The following ASH1L variants were observed in gnomAD, a reference collection of about 807,000 sequenced individuals.
ASH1L encodes histone-lysine N-methyltransferase ASH1L.
A neutral mutation model predicts 269.0 loss-of-function variants in ASH1L; 23 were observed. That is an observed-to-expected ratio of 0.09 (90% CI 0.06 to 0.12). The LOEUF (loss-of-function observed/expected upper bound fraction) is 0.12. ASH1L is among the 10% of genes least tolerant of loss of function. The probability of loss-of-function intolerance (pLI) is 1.00; values close to 1 mark genes in which losing one functional copy is unlikely to be tolerated. For missense variants in ASH1L, 2,912 were observed against 3,567.8 expected, an observed-to-expected ratio of 0.82 and a Z score of 4.68; for synonymous variants, 1,187 against 1,253.5, an observed-to-expected ratio of 0.95 and a Z score of 1.12.
rs146335789 is a variant in ASH1L, at chr1:155,478,614, G to A, written c.4256C>T (p.Thr1419Met). The A allele has an allele frequency of 6.2e-6, 10 of 1,614,058 alleles. No homozygotes were observed. Among genetic ancestry groups the A allele is most frequent in the South Asian group, 1.1e-5 (1 of 91,084 alleles). The change falls in exon 3 of 28, where the codon ACG becomes ATG. Residue 1419 changes from threonine (T) to methionine (M), a missense_variant. Thr to Met is a moderately conservative substitution (Grantham distance 81). Around this residue, in one of 13 missense-constraint regions of ASH1L, gnomAD observed 789 missense variants for 897.6 expected, o/e 0.88. Coordinates refer to ENST00000392403, the MANE Select transcript of ASH1L (RefSeq NM_018489.3). The surrounding 1 kb of genome is among the most constrained non-coding windows in gnomAD (Gnocchi z 4.6). The part of the protein sequence containing the change: ...YPPPPSPSFT[T>M]PLPPPSYMHA... ...CATATAGGAAGGAGGTGGAAGTGGC[G>A]TGGTGAAAGAAGGAGATGGAGGAGG...
At position 155,480,813 on chromosome 1, in the gene ASH1L, G is replaced by C. The variant is rs774980177; in HGVS notation, c.2057C>G (p.Ala686Gly). 6.2e-7 allele frequency: 1 copy of C among 1,613,850 alleles called. No homozygotes were observed. Among genetic ancestry groups the C allele is most frequent in the Non-Finnish European group, 8.5e-7 (1 of 1,179,950 alleles). ...GCAGTGTTTGTCTGATGCAGATACT[G>C]CACCCAGTTTTAAAAAAGGCTTATT... ...FSNKPFLKLG[A>G]VSASDKHCQV... The change falls in exon 3 of 28, where the codon GCA (alanine) becomes GGA (glycine). Residue 686 changes from alanine to glycine, a missense_variant. Ala to Gly is a moderately conservative substitution (Grantham distance 60). This residue lies in a region of ASH1L where 715 missense variants were observed against 721.0 expected (regional missense o/e 0.99). Transcript: ENST00000392403.
intron 7 of ASH1L, among the ~76,000 whole-genome samples, chr1:155,388,335 A>G (rs1041169814): frequency 6.6e-6 from 1 of 152,152 alleles, no homozygotes; most frequent in African/African-American, 2.4e-5. Context: ...TCTGTCTTTC[A>G]GGCTGGAGTG....
rs771413624 is a variant in ASH1L, at chr1:155,479,355, G to A, written c.3515C>T (p.Ser1172Leu). Residue 1172 changes from serine to leucine, a missense_variant, in exon 3 of 28, where the codon TCG (serine) becomes TTG (leucine). By Grantham distance (145) the Ser-to-Leu change is moderately radical. Around this residue, in one of 13 missense-constraint regions of ASH1L, gnomAD observed 157 missense variants for 154.6 expected, o/e 1.02. Transcript: ENST00000392403. ...SPPTLLPNSP[S>L]HLSELTSLKE... ...TAGAGATGTGAGTTCACTCAAGTGC[G>A]AAGGAGAATTTGGCAACAAAGTAGG... The A allele has an allele frequency of 3.5e-5, 57 of 1,614,008 alleles. No individual in the cohort carries two copies. The highest frequency in any genetic ancestry group is 1.1e-4 in the African/African-American group (8 of 74,890).
Position 155,479,152 on chromosome 1 carries a change from C to T in ASH1L, c.3718G>A (p.Val1240Met). 1 of 1,614,114 alleles carries T rather than the reference C, an allele frequency of 6.2e-7. No individual in the cohort carries two copies. Among genetic ancestry groups the T allele is most frequent in the Non-Finnish European group, 8.5e-7 (1 of 1,180,022 alleles). Residue 1240 changes from valine to methionine, a missense_variant, in exon 3 of 28, where the codon GTG becomes ATG. Val to Met is a conservative substitution (Grantham distance 21, BLOSUM62 1). This residue lies in a region of ASH1L where 789 missense variants were observed against 897.6 expected (regional missense o/e 0.88). Coordinates refer to ENST00000392403, the MANE Select transcript of ASH1L (RefSeq NM_018489.3). ...VSLIPPETSTVLSSLKEKHKH... is the reference protein window; with the variant it reads ...VSLIPPETSTMLSSLKEKHKH... Reference sequence around the variant, plus strand: ...TGTTTTTCTTTAAGACTGCTTAGCACTGTAGAGGTTTCAGGGGGAATCAGA... The same window carrying T: ...TGTTTTTCTTTAAGACTGCTTAGCATTGTAGAGGTTTCAGGGGGAATCAGA...
intron 5 of ASH1L, among the ~76,000 whole-genome samples, chr1:155,426,619 A>C (rs182231035): frequency 6.4e-4 from 98 of 152,326 alleles, no homozygotes; most frequent in African/African-American, 1.9e-3. Flanking sequence ...TTAACTTTTT[A>C]TAATAGATTT....
chr1:155,447,618 T>C (rs1006241499), intron 4 of ASH1L, among the ~76,000 whole-genome samples: 1 of 152,232 alleles, frequency 6.6e-6, no homozygotes, highest in African/African-American at 2.4e-5. Flanking sequence ...CCTCTGATAA[T>C]CAATGATGTT....
Position 155,369,339 on chromosome 1 carries a change from G to T in ASH1L, c.6686+1165C>A, listed in dbSNP as rs745643256. Among the ~76,000 whole-genome samples the T allele has an allele frequency of 3.9e-5, 6 of 151,956 alleles. No individual in the cohort carries two copies. The East Asian group carries it at 9.6e-4, about 24-fold the overall frequency. Reference sequence around the variant, plus strand: ...GCAGGTGCCTGTAGTCCCAGCTACTGGGCAGGCTGAGGCAGGAGAGTGGCA... The same window carrying T: ...GCAGGTGCCTGTAGTCCCAGCTACTTGGCAGGCTGAGGCAGGAGAGTGGCA... On this transcript the variant is annotated intron_variant, in intron 12 of 27. Coordinates refer to ENST00000392403, the MANE Select transcript of ASH1L (RefSeq NM_018489.3).
intron 3 of ASH1L, among the ~76,000 whole-genome samples, chr1:155,465,254 A>G (rs1664584955): frequency 6.6e-6 from 1 of 151,536 alleles, no homozygotes; most frequent in South Asian, 2.1e-4. Context: ...AGCCTAGAAA[A>G]ACAAGGAATT....
chr1:155,495,342 T>C (rs1667073819), intron 2 of ASH1L, among the ~76,000 whole-genome samples: 1 of 152,160 alleles, frequency 6.6e-6, no homozygotes, highest in African/African-American at 2.4e-5. Context: ...TGATATAGCC[T>C]GCCACACACC....
At chr1:155,371,037 C>T in intron 10 of ASH1L, 54 bp from the exon 11 acceptor site, 2 of 1,464,820 alleles carry the variant, frequency 1.4e-6, no homozygotes, top group Non-Finnish European at 1.9e-6. Flanking sequence ...TACCTTGATG[C>T]ATCCATTTTT....
chr1:155,412,752 G>C (rs1184326887), intron 6 of ASH1L, among the ~76,000 whole-genome samples: 2 of 152,084 alleles, frequency 1.3e-5, no homozygotes, highest in African/African-American at 4.8e-5. Context: ...GCGGTCTTGG[G>C]AACTGAGCAC....
intron 4 of ASH1L, among the ~76,000 whole-genome samples, chr1:155,456,046 G>A (rs1443926654): frequency 1.3e-5 from 2 of 152,144 alleles, no homozygotes; most frequent in Non-Finnish European, 2.9e-5. Context: ...CCAGCTGGAT[G>A]TGTTCCAATT....
intron 2 of ASH1L, among the ~76,000 whole-genome samples, chr1:155,510,027 A>G (rs1226095028): frequency 6.6e-6 from 1 of 152,230 alleles, no homozygotes; most frequent in African/African-American, 2.4e-5. Context: ...CAGAAGCCTT[A>G]AAAAGATTTA....
At chr1:155,487,692 T>C (rs1666422219) in intron 2 of ASH1L, among the ~76,000 whole-genome samples, 1 of 151,478 alleles carries the variant, frequency 6.6e-6, no homozygotes, top group Admixed American at 6.6e-5. Context: ...CAAACACATT[T>C]CTTAATCTGA....
chr1:155,386,573 T>C (rs6665823), intron 7 of ASH1L, among the ~76,000 whole-genome samples: 81,195 of 147,654 alleles, frequency 0.55, 24,515 homozygotes, highest in Non-Finnish European at 0.69. Flanking sequence ...TTTTTTTTTT[T>C]AGTAGAGACG....
At chr1:155,406,183 G>A (rs1236434181) in intron 6 of ASH1L, among the ~76,000 whole-genome samples, 1 of 137,928 alleles carries the variant, frequency 7.3e-6, no homozygotes. Context: ...CAGCCTGGGC[G>A]ACAGAGTGAG....
chr1:155,532,114 TTCAC>T (rs1404921284), intron 1 of ASH1L, among the ~76,000 whole-genome samples: 4 of 152,212 alleles, frequency 2.6e-5, no homozygotes, highest in Non-Finnish European at 5.9e-5. Context: ...CTAGAATCTC[TTCAC>T]TCAAACAGGC....
chr1:155,404,198 T>TA (rs759796168), intron 6 of ASH1L, among the ~76,000 whole-genome samples: 5 of 149,224 alleles, frequency 3.4e-5, no homozygotes, highest in Non-Finnish European at 5.9e-5. Flanking sequence ...TCTGAAAAAA[T>TA]AAAAAAATTA....
At chr1:155,449,522 G>GTTT (rs931941166) in intron 4 of ASH1L, among the ~76,000 whole-genome samples, 3 of 134,870 alleles carry the variant, frequency 2.2e-5, no homozygotes, top group Non-Finnish European at 1.7e-5. Flanking sequence ...AAATGTGGTT[G>GTTT]TTTTTTTTTT....
Sources: allele counts gnomAD v4.1 joint callset (sites outside exome capture counted in the v4.1 genomes callset), GRCh38; gene constraint gnomAD v4.1.1; regional missense constraint gnomAD v4.1.1; non-coding constraint Gnocchi (gnomAD v3.1); transcripts MANE v1.5; gene names NCBI Gene and HGNC (gene_info 2026-07-23, HGNC 2026-07-21).